Variants in SLCO6A1 observed in about 807,000 individuals in gnomAD.
SLCO6A1 encodes the protein solute carrier organic anion transporter family member 6A1, also known as cancer/testis antigen 48.
A neutral mutation model predicts 72.7 loss-of-function variants in SLCO6A1; 65 were observed. That is an observed-to-expected ratio of 0.89 (90% CI 0.73 to 1.10). The LOEUF (loss-of-function observed/expected upper bound fraction) is 1.10, where lower values mean the gene tolerates loss of function less well. SLCO6A1 is among the 50% of genes least tolerant of loss of function. SLCO6A1 has a pLI of 0.00. For synonymous variants in SLCO6A1, 314 were observed against 298.2 expected, an observed-to-expected ratio of 1.05 and a Z score of -0.55; for missense variants, 874 against 872.6, an observed-to-expected ratio of 1.00 and a Z score of -0.02.
At chr5:102,417,736 T>C (rs921762284) in intron 8 of SLCO6A1, among the ~76,000 whole-genome samples, 3 of 152,186 alleles carry the variant, frequency 2.0e-5, no homozygotes, top group Non-Finnish European at 4.4e-5. Context: ...CTGGTATCAT[T>C]TATTTCTGAC....
chr5:102,480,166 T>A lies in SLCO6A1; in HGVS notation c.616+11A>T. ...TGATTTGATGTATGACAGTATATTT[T>A]AAAACCTTACCTTCAATTCCTACCT... On this transcript the variant is annotated intron_variant, in intron 2 of 13. Transcript: ENST00000506729. 1.9e-6 allele frequency: 3 copies of A among 1,595,996 alleles called. No homozygotes were observed. The highest frequency in any genetic ancestry group is 2.6e-6 in the Non-Finnish European group (3 of 1,170,736).
chr5:102,427,840 G>GTGTATATATATATATATATATATATA (rs1748980248), intron 7 of SLCO6A1, among the ~76,000 whole-genome samples: 15 of 102,748 alleles, frequency 1.5e-4, no homozygotes, highest in Non-Finnish European at 2.6e-4. Context: ...GTGTGTGTAT[G>GTGTATATATATATATATATATATATA]TATACATATA....
chr5:102,412,013 T>G (rs1748013852), intron 9 of SLCO6A1, among the ~76,000 whole-genome samples: 2 of 152,120 alleles, frequency 1.3e-5, no homozygotes, highest in African/African-American at 4.8e-5. Flanking sequence ...AAAAGAACCT[T>G]GGTCTCCACA....
At chr5:102,485,450 C>A (rs979665548) in intron 1 of SLCO6A1, among the ~76,000 whole-genome samples, 2 of 152,090 alleles carry the variant, frequency 1.3e-5, no homozygotes, top group African/African-American at 4.8e-5. Context: ...TTTATGCTAA[C>A]AATGTGATTT....
At chr5:102,403,258 T>C (rs1747494498) in intron 9 of SLCO6A1, among the ~76,000 whole-genome samples, 1 of 152,206 alleles carries the variant, frequency 6.6e-6, no homozygotes, top group African/African-American at 2.4e-5. Context: ...CTTACCCAAA[T>C]GTACTGTCTC....
intron 1 of SLCO6A1, among the ~76,000 whole-genome samples, chr5:102,490,832 A>C (rs1752640877): frequency 6.6e-6 from 1 of 152,162 alleles, no homozygotes; most frequent in Non-Finnish European, 1.5e-5. Context: ...TCATAAAGGC[A>C]GTGTGGACCC....
rs763037790 is a variant in SLCO6A1 at position 102,373,358 on chromosome 5, G to T, written c.2154C>A (p.Asp718Glu). Residue 718 changes from aspartate (D) to glutamate (E), a missense_variant, in exon 13 of 14, where the codon GAC becomes GAA. By Grantham distance (45) the Asp-to-Glu change is conservative. Coordinates refer to ENST00000506729, the MANE Select transcript of SLCO6A1 (RefSeq NM_173488.5). ...TTACACAATGATGATCCAGTTACAA[G>T]TCAGTTTCTTCTTTTTTCTTAACTT... is the stretch of plus-strand genomic sequence containing the variant. ...NPKVKKKEETDL is the reference protein window; with the variant it reads ...NPKVKKKEETEL 2.6e-5 allele frequency: 41 copies of T among 1,561,020 alleles called. No individual in the cohort carries two copies. The highest frequency in any genetic ancestry group is 3.3e-5 in the Non-Finnish European group (38 of 1,158,558).
chr5:102,380,121 T>C (rs1349623791), intron 12 of SLCO6A1, among the ~76,000 whole-genome samples: 2 of 152,014 alleles, frequency 1.3e-5, no homozygotes, highest in African/African-American at 4.8e-5. Context: ...TTCCCTGATA[T>C]GGGTGCTAAT....
At chr5:102,470,088 T>C (rs1751525922) in intron 4 of SLCO6A1, among the ~76,000 whole-genome samples, 1 of 152,140 alleles carries the variant, frequency 6.6e-6, no homozygotes, top group Admixed American at 6.5e-5. Context: ...TTCGCATCGA[T>C]GTTCATCAGG....
intron 7 of SLCO6A1, among the ~76,000 whole-genome samples, chr5:102,428,894 AACTAATTTACACTCCCACCAGCAGTGTAT>A (rs1253128993): frequency 6.6e-6 from 1 of 152,202 alleles, no homozygotes; most frequent in East Asian, 1.9e-4. Flanking sequence ...ACAATGGCTG[AACTAATTTACACTCCCACCAGCAGTGTAT>A]AAGCATTCTC....
chr5:102,485,253 A>AAAAT (rs71620660), intron 1 of SLCO6A1, among the ~76,000 whole-genome samples: 9,408 of 145,186 alleles, frequency 0.065, 398 homozygotes, highest in East Asian at 0.14. Context: ...CTCCATCTCA[A>AAAAT]AAATAAATAA....
chr5:102,432,209 T>C (rs979081931), intron 7 of SLCO6A1, among the ~76,000 whole-genome samples: 5 of 152,188 alleles, frequency 3.3e-5, no homozygotes, highest in African/African-American at 4.8e-5. Flanking sequence ...CTCTGTCTTT[T>C]CATTGGGGCA....
chr5:102,380,205 A>G (rs1746034168), intron 12 of SLCO6A1, among the ~76,000 whole-genome samples: 1 of 151,944 alleles, frequency 6.6e-6, no homozygotes. Context: ...ATATGTATAT[A>G]TTATATTTCA....
At chr5:102,474,219 A>G (rs1751777165) in intron 4 of SLCO6A1, among the ~76,000 whole-genome samples, 1 of 152,056 alleles carries the variant, frequency 6.6e-6, no homozygotes, top group African/African-American at 2.4e-5. Flanking sequence ...GTACTGGTAT[A>G]AAGACCGACA....
chr5:102,377,540 CA>C (rs1277553124), intron 12 of SLCO6A1, among the ~76,000 whole-genome samples: 1 of 151,680 alleles, frequency 6.6e-6, no homozygotes, highest in African/African-American at 2.4e-5. Context: ...CAAGGGTACT[CA>C]ATTATCAAAA....
At chr5:102,486,954 A>G (rs1161934159) in intron 1 of SLCO6A1, among the ~76,000 whole-genome samples, 5 of 152,138 alleles carry the variant, frequency 3.3e-5, no homozygotes, top group African/African-American at 1.2e-4. Flanking sequence ...GAGTTAATTT[A>G]TTTTCTATTT....
rs201846122 is a variant in SLCO6A1 at position 102,466,782 on chromosome 5, C to CT, written c.900-7006dup. On this transcript the variant is annotated intron_variant, in intron 4 of 13. Transcript: ENST00000506729. ...TCTCTAATGATTAGTGATGTTGAGA[C>CT]TTTTTTCATATGATTGTGGACCACA... Among the ~76,000 whole-genome samples the CT allele has an allele frequency of 8.8e-3, 1,345 of 152,140 alleles. 16 individuals carry two copies. Among genetic ancestry groups the CT allele is most frequent in the African/African-American group, 0.031 (1,267 of 41,532 alleles).
At chr5:102,497,209 T>C (rs895819577) in intron 1 of SLCO6A1, among the ~76,000 whole-genome samples, 11 of 152,148 alleles carry the variant, frequency 7.2e-5, no homozygotes, top group Non-Finnish European at 1.6e-4. Flanking sequence ...TCTAAAGTGT[T>C]CAAATTCACC....
At chr5:102,378,977 CA>C (rs1440876931) in intron 12 of SLCO6A1, among the ~76,000 whole-genome samples, 2 of 152,024 alleles carry the variant, frequency 1.3e-5, no homozygotes, top group Non-Finnish European at 1.5e-5. Flanking sequence ...GATGGGGTTT[CA>C]CCATGTTAGC....
Sources: allele counts gnomAD v4.1 joint callset (sites outside exome capture counted in the v4.1 genomes callset), GRCh38; gene constraint gnomAD v4.1.1; transcripts MANE v1.5; gene names NCBI Gene and HGNC (gene_info 2026-07-23, HGNC 2026-07-21).